L3MBTL4: variants seen among roughly 807,000 people sequenced by gnomAD.
L3MBTL4 encodes the protein L3MBTL histone methyl-lysine binding protein 4.
Under a neutral mutation model 84.5 loss-of-function variants are expected in L3MBTL4, and 70 were observed. The ratio of observed to expected loss-of-function variants is 0.83; its 90% CI spans 0.68 to 1.01. The LOEUF (loss-of-function observed/expected upper bound fraction) is 1.01. Among genes scored for constraint, L3MBTL4 ranks in the 50% least tolerant of loss-of-function variants. The probability of loss-of-function intolerance (pLI) is 0.00; values close to 1 mark genes in which losing one functional copy is unlikely to be tolerated. For synonymous variants in L3MBTL4, 274 were observed against 259.8 expected (o/e 1.05, Z -0.52); for missense variants, 715 against 754.8 (o/e 0.95, Z 0.62).
chr18:6,071,708 AGAAAGAAG>A (rs1171352088), intron 16 of L3MBTL4, among the ~76,000 whole-genome samples: 811 of 65,064 alleles, frequency 0.012, 5 homozygotes, highest in East Asian at 0.1. Flanking sequence ...AAAGAAAGAA[AGAAAGAAG>A]GAAAGAAAGA....
chr18:6,346,506 T>A (rs992084765), intron 1 of L3MBTL4, among the ~76,000 whole-genome samples: 2 of 151,922 alleles, frequency 1.3e-5, no homozygotes, highest in Non-Finnish European at 2.9e-5. Flanking sequence ...AAAAAAAATT[T>A]AAAAACCTGA....
intron 16 of L3MBTL4, among the ~76,000 whole-genome samples, chr18:5,996,991 G>A (rs554584589): frequency 6.6e-6 from 1 of 151,078 alleles, no homozygotes; most frequent in Non-Finnish European, 1.5e-5. Flanking sequence ...CATTTTAGAA[G>A]CACAATTGAT....
intron 15 of L3MBTL4, among the ~76,000 whole-genome samples, chr18:6,081,690 C>T (rs2058081746): frequency 6.6e-6 from 1 of 152,088 alleles, no homozygotes; most frequent in Admixed American, 6.6e-5. Flanking sequence ...CACTAACAAG[C>T]CTTTGAGTTG....
intron 10 of L3MBTL4, among the ~76,000 whole-genome samples, chr18:6,224,735 G>A (rs1377665826): frequency 6.6e-6 from 1 of 152,086 alleles, no homozygotes; most frequent in Non-Finnish European, 1.5e-5. Context: ...ATTTGGGGGT[G>A]TAGAAACAAA....
At chr18:6,020,970 A>T (rs1199279427) in intron 16 of L3MBTL4, among the ~76,000 whole-genome samples, 2 of 152,180 alleles carry the variant, frequency 1.3e-5, no homozygotes, top group Non-Finnish European at 2.9e-5. Flanking sequence ...TCCATGAAAT[A>T]ATATTTGAAG....
chr18:6,285,455 A>G (rs2049527746), intron 4 of L3MBTL4, among the ~76,000 whole-genome samples: 1 of 151,842 alleles, frequency 6.6e-6, no homozygotes, highest in South Asian at 2.1e-4. Context: ...ATATATAGAG[A>G]TGCACCTATA....
chr18:6,218,901 G>C (rs1568333327), intron 10 of L3MBTL4, among the ~76,000 whole-genome samples: 2 of 152,244 alleles, frequency 1.3e-5, no homozygotes, highest in South Asian at 4.1e-4. Context: ...CAATACCGTG[G>C]AAGAAGCTTT....
At chr18:6,319,972 G>A (rs1344037043) in intron 1 of L3MBTL4, among the ~76,000 whole-genome samples, 7 of 151,870 alleles carry the variant, frequency 4.6e-5, no homozygotes, top group Non-Finnish European at 7.4e-5. Flanking sequence ...TTCCAGAGAC[G>A]GAGGGATGAT....
chr18:6,113,735 A>G (rs72874054), intron 14 of L3MBTL4, among the ~76,000 whole-genome samples: 9 of 152,340 alleles, frequency 5.9e-5, no homozygotes, highest in Non-Finnish European at 1.2e-4. Context: ...TTCACATCCT[A>G]CTAATAATGA....
chr18:6,167,246 G>A (rs1474948528), intron 13 of L3MBTL4, among the ~76,000 whole-genome samples: 2 of 152,158 alleles, frequency 1.3e-5, no homozygotes, highest in Non-Finnish European at 2.9e-5. Context: ...TCTACCAGAG[G>A]TACAAGGAGG....
At chr18:6,068,516 A>G (rs1035028994) in intron 16 of L3MBTL4, among the ~76,000 whole-genome samples, 5 of 152,170 alleles carry the variant, frequency 3.3e-5, no homozygotes, top group Non-Finnish European at 5.9e-5. Context: ...CAGATCAGAC[A>G]GGTAACTCTT....
chr18:5,974,473 T>C (rs2052802423), intron 16 of L3MBTL4, among the ~76,000 whole-genome samples: 1 of 152,096 alleles, frequency 6.6e-6, no homozygotes, highest in Non-Finnish European at 1.5e-5. Flanking sequence ...GAGATGCAAG[T>C]CCACTGGTAA....
At chr18:6,281,237 G>C (rs1220078382) in intron 4 of L3MBTL4, among the ~76,000 whole-genome samples, 1 of 152,180 alleles carries the variant, frequency 6.6e-6, no homozygotes, top group African/African-American at 2.4e-5. Context: ...GGTAGGTACT[G>C]TATTCTCTGA....
At chr18:6,334,044 C>G (rs1322685111) in intron 1 of L3MBTL4, among the ~76,000 whole-genome samples, 1 of 152,228 alleles carries the variant, frequency 6.6e-6, no homozygotes, top group Non-Finnish European at 1.5e-5. Flanking sequence ...CATTTTGACA[C>G]ATGTGAAATC....
At chr18:6,010,264 C>T (rs1021761724) in intron 16 of L3MBTL4, among the ~76,000 whole-genome samples, 77 of 152,216 alleles carry the variant, frequency 5.1e-4, no homozygotes, top group African/African-American at 1.8e-3. Flanking sequence ...ATGAAAATCT[C>T]ACCAAGTTGG....
intron 15 of L3MBTL4, among the ~76,000 whole-genome samples, chr18:6,088,402 C>G (rs2058332191): frequency 6.6e-6 from 1 of 152,098 alleles, no homozygotes; most frequent in Non-Finnish European, 1.5e-5. Context: ...CAAACTCCAA[C>G]TTCAAGAAGC....
chr18:6,335,366 C>T lies in L3MBTL4; in HGVS notation c.-90-23310G>A, dbSNP rs145609873. The stretch of plus-strand genomic sequence containing the variant: ...TCAGCCTCCCAAAGTGCTGGGATTA[C>T]AGGTATGAGCCACTGCGCCTGTCCT... On this transcript the variant is annotated intron_variant, in intron 1 of 18. Transcript: ENST00000317931. 8.7e-3 allele frequency among the ~76,000 whole-genome samples: 1,327 copies of T among 152,268 alleles called. 22 individuals carry two copies. Among genetic ancestry groups the T allele is most frequent in the African/African-American group, 0.031 (1,274 of 41,558 alleles).
At chr18:6,376,579 A>G (rs1198984866) in intron 1 of L3MBTL4, among the ~76,000 whole-genome samples, 2 of 152,076 alleles carry the variant, frequency 1.3e-5, no homozygotes, top group Non-Finnish European at 2.9e-5. Context: ...TACAACAACA[A>G]CAACAAAAAT....
In L3MBTL4 at chr18:6,202,568, G is replaced by A. The variant is rs149574813; in HGVS notation, c.981+10581C>T. Reference sequence around the variant, plus strand: ...TATGCTGCTGGCTTTTATTAGGGTGGCAATCAAGGGGACTGCAGTCATAGG... The same window carrying A: ...TATGCTGCTGGCTTTTATTAGGGTGACAATCAAGGGGACTGCAGTCATAGG... On this transcript the variant is annotated intron_variant, in intron 12 of 18. Coordinates refer to ENST00000317931, the MANE Select transcript of L3MBTL4 (RefSeq NM_001330559.2). 8.7e-4 allele frequency among the ~76,000 whole-genome samples: 132 copies of A among 152,184 alleles called. 1 individual carries two copies. The highest frequency in any genetic ancestry group is 3.1e-3 in the African/African-American group (130 of 41,522).
Sources: gnomAD v4.1 joint callset for allele counts (sites outside exome capture counted in the v4.1 genomes callset) on GRCh38, gnomAD v4.1.1 for gene constraint, MANE v1.5 for transcripts, NCBI Gene and HGNC (gene_info 2026-07-23, HGNC 2026-07-21) for gene names.